DRP2: variants seen among roughly 807,000 people sequenced by gnomAD.
DRP2 encodes dystrophin related protein 2.
Under a neutral mutation model 78.2 loss-of-function variants are expected in DRP2, and 29 were observed. That is an observed-to-expected ratio of 0.37 (90% CI 0.28 to 0.51). DRP2 has a LOEUF of 0.51. Ranked by LOEUF, DRP2 falls within the 20% of genes least tolerant of loss-of-function variation. The pLI, the probability that DRP2 is intolerant of heterozygous loss-of-function variation, is 0.94. For synonymous variants in DRP2, 290 were observed against 281.9 expected (o/e 1.03, Z -0.29); for missense variants, 686 against 770.6 (o/e 0.89, Z 1.30).
chrX:101,234,816 C>T (rs1356811073), intron 3 of DRP2, among the ~76,000 whole-genome samples: 7 of 110,378 alleles, frequency 6.3e-5, no homozygotes, highest in African/African-American at 2.3e-4. Context: ...CCTAAATTGC[C>T]TGGAGAGTCT....
In DRP2 at chrX:101,237,700, G is replaced by C. The variant is rs778075385; in HGVS notation, c.363G>C (p.Lys121Asn). The C allele has an allele frequency of 1.8e-5, 21 of 1,179,180 alleles. No homozygotes were observed. The South Asian group carries it at 2.8e-4, about 16-fold the overall frequency. Residue 121 changes from lysine to asparagine, a missense_variant, in exon 5 of 24, where the codon AAG becomes AAC. Physicochemically the swap from Lys to Asn is moderately conservative, Grantham distance 94. Around this residue, in one of 2 missense-constraint regions of DRP2, gnomAD observed 263 missense variants for 239.1 expected, o/e 1.10. Coordinates refer to ENST00000395209, the MANE Select transcript of DRP2 (RefSeq NM_001939.3). ...LQEIIDWLSQ[K>N]DEELSAQLPL... ...AGATTATTGACTGGCTCAGCCAAAA[G>C]GATGAGGAGTTGTCAGCTCAGCTGC...
At chrX:101,231,539 G>A in intron 2 of DRP2, 46 bp from the exon 3 acceptor site, 1 of 699,650 alleles carries the variant, frequency 1.4e-6, no homozygotes, top group Admixed American at 2.2e-5. Context: ...TGATTCATAG[G>A]CTTTTCTAGG....
rs970804253 is a variant in DRP2 at position 101,239,211 on chromosome X, G to A, written c.559+110G>A. 4 of 1,000,743 alleles carry A rather than the reference G, an allele frequency of 4.0e-6. No homozygotes were observed. The African/African-American group carries it at 7.7e-5, about 19-fold the overall frequency. 82.5% of individuals were successfully genotyped at this position (1,000,743 alleles called of 1,213,427 possible). On this transcript the variant is annotated intron_variant, in intron 6 of 23. Transcript: ENST00000395209. ...TCATTTTCTTACCTGTTATCTAGGA[G>A]GATAGTTTCCCCCAGGAGTCCATCC... is the stretch of plus-strand genomic sequence containing the variant.
chrX:101,227,502 C>T (rs746177344), intron 2 of DRP2, among the ~76,000 whole-genome samples: 2 of 111,729 alleles, frequency 1.8e-5, no homozygotes, highest in Non-Finnish European at 3.8e-5. Flanking sequence ...TGTGTCTCAG[C>T]ATCTTCATCT....
At position 101,224,620 on chromosome X, in the gene DRP2, G is replaced by A. The variant is rs1376182684; in HGVS notation, c.-150G>A. 7 of 112,166 alleles carry A rather than the reference G, an allele frequency of 6.2e-5. No homozygotes were observed. Among genetic ancestry groups the A allele is most frequent in the Admixed American group, 1.9e-4 (2 of 10,584 alleles). The allele number at this position is 112,166 out of a possible 1,213,427, so 9.2% of individuals were successfully genotyped here. ...TTTTAACAGCTACATAATATTCGCC[G>A]TGTGAGTGGCTATCGTAATAGATAA... On this transcript the variant is annotated 5_prime_UTR_variant, in exon 2 of 24. In the 5' UTR this introduces an upstream ATG that the reference lacks. Coordinates refer to ENST00000395209, the MANE Select transcript of DRP2 (RefSeq NM_001939.3).
intron 11 of DRP2, among the ~76,000 whole-genome samples, chrX:101,246,019 G>T (rs1167963278): frequency 8.9e-6 from 1 of 112,323 alleles, no homozygotes; most frequent in East Asian, 2.8e-4. Context: ...ATGCATACTT[G>T]TCTCCAAACT....
At chrX:101,240,551 T>A (rs1922682383) in intron 6 of DRP2, among the ~76,000 whole-genome samples, 1 of 112,281 alleles carries the variant, frequency 8.9e-6, no homozygotes, top group Admixed American at 9.4e-5. Flanking sequence ...GACTCTTTGA[T>A]ACTGACTCCA....
At position 101,231,924 on chromosome X, in the gene DRP2, C is replaced by T. The variant is rs564090231; in HGVS notation, c.117+160C>T. ...TATATTGGGCCCATCCTTTATTACT[C>T]ATTATGTCTTTTATTGGGGGGCATA... On this transcript the variant is annotated intron_variant, in intron 3 of 23. Transcript: ENST00000395209. 9.9e-5 allele frequency among the ~76,000 whole-genome samples: 11 copies of T among 111,413 alleles called. 1 individual carries two copies. In the South Asian group the frequency reaches 3.9e-3, roughly 39 times the overall value.
At chrX:101,241,315 A>G (rs890285846) in intron 6 of DRP2, among the ~76,000 whole-genome samples, 2 of 111,766 alleles carry the variant, frequency 1.8e-5, no homozygotes, top group Non-Finnish European at 3.8e-5. Context: ...CAAAATTGGC[A>G]GATTATGTCA....
Position 101,258,416 on chromosome X carries a change from A to G in DRP2, c.2498A>G (p.Glu833Gly). Residue 833 changes from glutamate (E) to glycine (G), a missense_variant, in exon 22 of 24, where the codon GAG becomes GGG. Coordinates refer to ENST00000395209, the MANE Select transcript of DRP2 (RefSeq NM_001939.3). ...STEAATDHRN[E>G]ELLAEARILR... ...GAGGCAGCAACAGACCACCGCAATG[A>G]GGAGCTTCTGGCCGAGGCCCGTATC... The G allele has an allele frequency of 8.3e-7, 1 of 1,207,454 alleles. No individual in the cohort carries two copies. The highest frequency in any genetic ancestry group is 1.1e-6 in the Non-Finnish European group (1 of 893,404).
intron 1 of DRP2, among the ~76,000 whole-genome samples, chrX:101,222,040 T>G (rs966145807): frequency 1.8e-4 from 20 of 112,089 alleles, no homozygotes; most frequent in Non-Finnish European, 1.3e-4. Context: ...AGATTCTGTT[T>G]TAAAATAAGT....
intron 4 of DRP2, among the ~76,000 whole-genome samples, chrX:101,237,013 G>A (rs936324334): frequency 3.6e-5 from 4 of 111,477 alleles, no homozygotes; most frequent in Non-Finnish European, 7.5e-5. Flanking sequence ...TAGGAGGGCA[G>A]ACAGAGATAA....
At chrX:101,256,308 A>AGAT (rs765690446) in intron 21 of DRP2, 47 bp downstream of exon 21, 2 of 1,110,084 alleles carry the variant, frequency 1.8e-6, no homozygotes, top group East Asian at 6.3e-5. Context: ...TGAGGCAGAC[A>AGAT]GATTGAATTT....
At chrX:101,234,992 C>T (rs1004976503) in intron 3 of DRP2, among the ~76,000 whole-genome samples, 1 of 110,664 alleles carries the variant, frequency 9.0e-6, no homozygotes, top group Admixed American at 9.6e-5. Flanking sequence ...TGATTTCCTC[C>T]TCCAATTCCC....
chrX:101,226,966 TGA>T (rs1441142556), intron 2 of DRP2, among the ~76,000 whole-genome samples: 2 of 112,223 alleles, frequency 1.8e-5, no homozygotes, highest in Non-Finnish European at 3.8e-5. Flanking sequence ...CTGCATCTGG[TGA>T]GAGTCTTCTT....
chrX:101,241,704 G>C lies in DRP2; in HGVS notation c.596G>C (p.Arg199Pro). 1 of 1,211,673 alleles carries C rather than the reference G, an allele frequency of 8.3e-7. No individual in the cohort carries two copies. The highest frequency in any genetic ancestry group is 1.1e-6 in the Non-Finnish European group (1 of 895,489). Residue 199 changes from arginine (R) to proline (P), a missense_variant, in exon 7 of 24, where the codon CGC becomes CCC. Around this residue, in one of 2 missense-constraint regions of DRP2, gnomAD observed 263 missense variants for 239.1 expected, o/e 1.10. Coordinates refer to ENST00000395209, the MANE Select transcript of DRP2 (RefSeq NM_001939.3). ...AAACAGCGGATCCAGAATCTCAGCCGCTTTGTATGGAAGCAGGCGACGGTG... is the reference window on the plus strand; with the variant it reads ...AAACAGCGGATCCAGAATCTCAGCCCCTTTGTATGGAAGCAGGCGACGGTG... The part of the protein sequence containing the change: ...SPKQRIQNLS[R>P]FVWKQATVAS...
chrX:101,245,294 T>G, intron 10 of DRP2, 94 bp from the exon 11 acceptor site: 1 of 951,914 alleles, frequency 1.1e-6, no homozygotes, highest in Non-Finnish European at 1.5e-6. Flanking sequence ...TGCAGCTTCT[T>G]GCATCCAACC....
chrX:101,249,910 C>G (rs914063082), intron 14 of DRP2, among the ~76,000 whole-genome samples: 1 of 111,726 alleles, frequency 9.0e-6, no homozygotes, highest in African/African-American at 3.3e-5. Flanking sequence ...ATTAGCTTCT[C>G]TTTTTGGATT....
At chrX:101,255,145 C>T (rs1263618692) in intron 19 of DRP2, 39 bp from the exon 20 acceptor site, 1 of 1,184,933 alleles carries the variant, frequency 8.4e-7, no homozygotes, top group Admixed American at 2.2e-5. Context: ...GCAGGCCCCA[C>T]ATCCTGTTTT....
Sources: gnomAD v4.1 joint callset for allele counts (sites outside exome capture counted in the v4.1 genomes callset) on GRCh38, gnomAD v4.1.1 for gene constraint, gnomAD v4.1.1 regional missense constraint, MANE v1.5 for transcripts, NCBI Gene and HGNC (gene_info 2026-07-23, HGNC 2026-07-21) for gene names.